The following CHCHD3 variants were observed in gnomAD, a reference collection of about 807,000 sequenced individuals.
CHCHD3 encodes MICOS complex subunit MIC19.
Under a neutral mutation model 38.2 loss-of-function variants are expected in CHCHD3, and 20 were observed. That is an observed-to-expected ratio of 0.52 (90% CI 0.37 to 0.76). CHCHD3 has a LOEUF of 0.76. CHCHD3 is among the 30% of genes least tolerant of loss of function. The probability of loss-of-function intolerance (pLI) is 0.00; values close to 1 mark genes in which losing one functional copy is unlikely to be tolerated. For missense variants in CHCHD3, 245 were observed against 279.2 expected (o/e 0.88, Z 0.87); for synonymous variants, 82 against 100.0 (o/e 0.82, Z 1.07).
intron 3 of CHCHD3, among the ~76,000 whole-genome samples, chr7:133,009,874 A>C (rs183127334): frequency 9.8e-5 from 15 of 152,346 alleles, no homozygotes; most frequent in Admixed American, 9.8e-4. Context: ...CTGAAAGCTT[A>C]GATGATATTC....
chr7:133,020,953 C>T (rs908668152), intron 3 of CHCHD3, among the ~76,000 whole-genome samples: 3 of 143,960 alleles, frequency 2.1e-5, no homozygotes, highest in African/African-American at 7.8e-5. Context: ...GGGGGGAGAA[C>T]GGATAAGAGG....
intron 2 of CHCHD3, among the ~76,000 whole-genome samples, chr7:133,062,953 A>T (rs1403040388): frequency 6.6e-6 from 1 of 152,206 alleles, no homozygotes; most frequent in Admixed American, 6.5e-5. Flanking sequence ...GGAAGTTCCT[A>T]GTCACAGAAA....
intron 3 of CHCHD3, among the ~76,000 whole-genome samples, chr7:133,001,073 TG>T (rs1425076816): frequency 6.6e-6 from 1 of 152,236 alleles, no homozygotes; most frequent in Non-Finnish European, 1.5e-5. Context: ...TAGCTTTAGA[TG>T]GCATCTCCCT....
In CHCHD3 at chr7:132,795,504, T is replaced by G. The variant is rs547411981; in HGVS notation, c.660+938A>C. On this transcript the variant is annotated intron_variant, in intron 7 of 7. Coordinates refer to ENST00000262570, the MANE Select transcript of CHCHD3 (RefSeq NM_017812.4). ...CTTGATTATATTCTTTCCACTAATG[T>G]TACTTTATTTTCCAGCTATCCAGAT... Among the ~76,000 whole-genome samples, 5 of 152,312 alleles carry G rather than the reference T, an allele frequency of 3.3e-5. No individual in the cohort carries two copies. The South Asian group carries it at 1.0e-3, about 32-fold the overall frequency.
At chr7:132,819,537 C>T (rs1807290211) in intron 6 of CHCHD3, among the ~76,000 whole-genome samples, 1 of 152,082 alleles carries the variant, frequency 6.6e-6, no homozygotes, top group Non-Finnish European at 1.5e-5. Context: ...TAATTGAGCA[C>T]CTGTTAGAGA....
intron 4 of CHCHD3, among the ~76,000 whole-genome samples, chr7:132,947,395 TGAA>T (rs965613381): frequency 6.6e-6 from 1 of 151,764 alleles, no homozygotes; most frequent in African/African-American, 2.4e-5. Flanking sequence ...ACTTTACACA[TGAA>T]GTTGGAGTAA....
intron 3 of CHCHD3, among the ~76,000 whole-genome samples, chr7:132,984,506 GT>G (rs1812027331): frequency 6.9e-6 from 1 of 145,260 alleles, no homozygotes; most frequent in Non-Finnish European, 1.5e-5. Flanking sequence ...AGTGAGGAGC[GT>G]CTCTGCCTGG....
At chr7:132,913,643 C>A (rs1810022466) in intron 4 of CHCHD3, among the ~76,000 whole-genome samples, 3 of 152,200 alleles carry the variant, frequency 2.0e-5, no homozygotes, top group African/African-American at 7.2e-5. Flanking sequence ...ATTCTGAAGC[C>A]ATGATTTCTT....
At chr7:132,997,659 TAAAAA>T (rs71178073) in intron 3 of CHCHD3, among the ~76,000 whole-genome samples, 55 of 81,770 alleles carry the variant, frequency 6.7e-4, no homozygotes, top group African/African-American at 2.2e-3. Flanking sequence ...AACAGGGTTG[TAAAAA>T]AAAAAAAAAA....
chr7:132,941,228 G>A (rs1810760264), intron 4 of CHCHD3, among the ~76,000 whole-genome samples: 1 of 152,136 alleles, frequency 6.6e-6, no homozygotes, highest in Non-Finnish European at 1.5e-5. Context: ...TGGATTCATA[G>A]TTATCCTTGA....
intron 3 of CHCHD3, among the ~76,000 whole-genome samples, chr7:133,014,966 A>C (rs1401108661): frequency 6.6e-6 from 1 of 152,172 alleles, no homozygotes; most frequent in African/African-American, 2.4e-5. Context: ...AAAATGTCCC[A>C]ATCTTAAGCT....
chr7:132,858,170 C>A (rs1017879668), intron 5 of CHCHD3, among the ~76,000 whole-genome samples: 1 of 152,098 alleles, frequency 6.6e-6, no homozygotes, highest in African/African-American at 2.4e-5. Context: ...TCAAGCAATT[C>A]GCCTGCCTCA....
At chr7:132,962,347 T>C (rs1207487726) in intron 4 of CHCHD3, among the ~76,000 whole-genome samples, 1 of 152,218 alleles carries the variant, frequency 6.6e-6, no homozygotes, top group African/African-American at 2.4e-5. Flanking sequence ...CTGTAAGAAC[T>C]CCTATATTTA....
intron 5 of CHCHD3, among the ~76,000 whole-genome samples, chr7:132,860,306 GAGAGAGAGAA>G (rs1036686873): frequency 1.3e-4 from 13 of 99,252 alleles, no homozygotes; most frequent in African/African-American, 5.6e-4. Flanking sequence ...GATAGATAGA[GAGAGAGAGAA>G]AGAGAGAGAG....
At chr7:132,978,431 G>A (rs190007683) in intron 3 of CHCHD3, among the ~76,000 whole-genome samples, 148 of 152,202 alleles carry the variant, frequency 9.7e-4, no homozygotes, top group Middle Eastern at 3.4e-3. Flanking sequence ...TAAGGACAAC[G>A]ATTTGCCCTA....
At chr7:132,934,731 G>T (rs1810596145) in intron 4 of CHCHD3, among the ~76,000 whole-genome samples, 1 of 152,156 alleles carries the variant, frequency 6.6e-6, no homozygotes, top group Admixed American at 6.5e-5. Context: ...GCTAGGTGAT[G>T]CCGCTCCTAC....
chr7:132,826,446 G>T (rs1807511176), intron 6 of CHCHD3, among the ~76,000 whole-genome samples: 1 of 152,210 alleles, frequency 6.6e-6, no homozygotes, highest in South Asian at 2.1e-4. Context: ...GGTGACTTGT[G>T]AAACAGAGCC....
chr7:132,906,537 G>A (rs889484230), intron 4 of CHCHD3, among the ~76,000 whole-genome samples: 10 of 152,116 alleles, frequency 6.6e-5, no homozygotes, highest in Non-Finnish European at 1.5e-4. Context: ...AATGACATGA[G>A]ATTATTAAAA....
At chr7:133,001,880 G>A (rs1812584837) in intron 3 of CHCHD3, among the ~76,000 whole-genome samples, 1 of 152,202 alleles carries the variant, frequency 6.6e-6, no homozygotes, top group African/African-American at 2.4e-5. Flanking sequence ...TTCTGTGTGA[G>A]TCGCTGTGCT....
Sources: allele counts gnomAD v4.1 joint callset (sites outside exome capture counted in the v4.1 genomes callset), GRCh38; gene constraint gnomAD v4.1.1; transcripts MANE v1.5; gene names NCBI Gene and HGNC (gene_info 2026-07-23, HGNC 2026-07-21).